The following GPC3 variants were observed in gnomAD, a reference collection of about 807,000 sequenced individuals.
GPC3 encodes the protein glypican-3.
In GPC3, 3 loss-of-function variants were observed where a neutral mutation model predicts 34.4. The ratio of observed to expected loss-of-function variants is 0.09; its 90% CI spans 0.04 to 0.23. GPC3 has a LOEUF of 0.23. GPC3 is among the 10% of genes least tolerant of loss of function. The pLI, the probability that GPC3 is intolerant of heterozygous loss-of-function variation, is 1.00. For synonymous variants in GPC3, 177 were observed against 174.0 expected (o/e 1.02, Z -0.13); for missense variants, 351 against 445.6 (o/e 0.79, Z 1.91).
chrX:133,745,001 G>A (rs1358653455), intron 3 of GPC3, among the ~76,000 whole-genome samples: 3 of 110,313 alleles, frequency 2.7e-5, no homozygotes, highest in South Asian at 4.0e-4. Context: ...ATCACACACC[G>A]GGGCCTGTCG....
intron 2 of GPC3, among the ~76,000 whole-genome samples, chrX:133,911,226 CTT>C (rs2076197887): frequency 8.9e-6 from 1 of 112,173 alleles, no homozygotes; most frequent in Admixed American, 9.4e-5. Flanking sequence ...ACTTTTTAAT[CTT>C]TGTTTTGCTA....
At chrX:133,726,079 G>A (rs771218030) in intron 3 of GPC3, among the ~76,000 whole-genome samples, 3 of 111,783 alleles carry the variant, frequency 2.7e-5, no homozygotes, top group African/African-American at 6.5e-5. Context: ...AAGAAATATC[G>A]CAAAAGATTG....
chrX:133,904,622 T>C (rs1196671077), intron 2 of GPC3, among the ~76,000 whole-genome samples: 2 of 111,700 alleles, frequency 1.8e-5, no homozygotes, highest in Non-Finnish European at 3.8e-5. Flanking sequence ...TCAATAGTAA[T>C]TCTAGCATGT....
At chrX:133,883,062 T>A (rs2076048733) in intron 2 of GPC3, among the ~76,000 whole-genome samples, 1 of 111,213 alleles carries the variant, frequency 9.0e-6, no homozygotes, top group South Asian at 3.8e-4. Context: ...CTCCACTCTA[T>A]ATTTAGAAAT....
intron 6 of GPC3, among the ~76,000 whole-genome samples, chrX:133,611,075 G>C (rs1179370668): frequency 9.1e-6 from 1 of 110,265 alleles, no homozygotes; most frequent in African/African-American, 3.3e-5. Context: ...CAGGTAAAGT[G>C]AAAAAGAAGC....
At chrX:133,722,531 G>T (rs1485028266) in intron 3 of GPC3, among the ~76,000 whole-genome samples, 2 of 112,153 alleles carry the variant, frequency 1.8e-5, no homozygotes, top group Non-Finnish European at 3.8e-5. Context: ...TGCAACATAT[G>T]TCGTTTTCAT....
chrX:133,635,293 C>T (rs2070409062), intron 6 of GPC3, among the ~76,000 whole-genome samples: 1 of 110,961 alleles, frequency 9.0e-6, no homozygotes, highest in Admixed American at 9.6e-5. Context: ...TGAAAATGGA[C>T]CAGAAGGAGA....
At chrX:133,727,892 C>T (rs899709989) in intron 3 of GPC3, among the ~76,000 whole-genome samples, 1 of 111,987 alleles carries the variant, frequency 8.9e-6, no homozygotes, top group Non-Finnish European at 1.9e-5. Context: ...CTCTGATCAC[C>T]GGAAACAGCA....
chrX:133,726,098 A>G (rs886428091), intron 3 of GPC3, among the ~76,000 whole-genome samples: 1 of 112,154 alleles, frequency 8.9e-6, no homozygotes, highest in South Asian at 3.8e-4. Context: ...TGCTTTTCTA[A>G]TAAAGGCAAT....
At chrX:133,958,547 A>G (rs2076427014) in intron 1 of GPC3, among the ~76,000 whole-genome samples, 1 of 106,030 alleles carries the variant, frequency 9.4e-6, no homozygotes, top group Non-Finnish European at 1.9e-5. Flanking sequence ...CCAGTCTCAA[A>G]AAAAAAAAAA....
chrX:133,628,607 G>T (rs1248573501), intron 6 of GPC3, among the ~76,000 whole-genome samples: 3 of 107,430 alleles, frequency 2.8e-5, no homozygotes, highest in African/African-American at 1.0e-4. Flanking sequence ...AGTGAGCTGA[G>T]ATTGCACCAC....
At chrX:133,916,766 C>T (rs978844087) in intron 2 of GPC3, among the ~76,000 whole-genome samples, 9 of 111,113 alleles carry the variant, frequency 8.1e-5, no homozygotes, top group African/African-American at 3.0e-4. Context: ...GTAGTCCCAG[C>T]TACTCAGGAG....
chrX:133,846,933 T>A (rs2075849411), intron 2 of GPC3, among the ~76,000 whole-genome samples: 1 of 111,868 alleles, frequency 8.9e-6, no homozygotes, highest in Admixed American at 9.5e-5. Flanking sequence ...TAAGAACAGA[T>A]AACAGATTTT....
chrX:133,969,716 C>G (rs1042332226), intron 1 of GPC3, among the ~76,000 whole-genome samples: 1 of 110,971 alleles, frequency 9.0e-6, no homozygotes, highest in Non-Finnish European at 1.9e-5. Context: ...GCAAAAAAAC[C>G]CCAGTTTAAA....
intron 7 of GPC3, among the ~76,000 whole-genome samples, chrX:133,544,207 G>A (rs1420511976): frequency 9.0e-6 from 1 of 111,628 alleles, no homozygotes; most frequent in African/African-American, 3.3e-5. Flanking sequence ...CTACACCCTG[G>A]GTGATAGAGT....
At chrX:133,908,865 C>A (rs902228059) in intron 2 of GPC3, among the ~76,000 whole-genome samples, 2 of 112,170 alleles carry the variant, frequency 1.8e-5, no homozygotes, top group African/African-American at 6.5e-5. Flanking sequence ...ATTTTCTTAA[C>A]CTAAATTCAA....
rs775967594 is a variant in GPC3, at chrX:133,880,410, C to T, written c.337+72640G>A. The stretch of plus-strand genomic sequence containing the variant: ...GCAAGTTACCAAACACAATGGGCCA[C>T]ATATTCTCTCCTACCGTTTCATAGT... On this transcript the variant is annotated intron_variant, in intron 2 of 7. Transcript: ENST00000370818. Among the ~76,000 whole-genome samples, 4 of 112,048 alleles carry T rather than the reference C, an allele frequency of 3.6e-5. No individual in the cohort carries two copies. In the South Asian group the frequency reaches 1.5e-3, roughly 42 times the overall value.
At chrX:133,902,275 G>A (rs1395911925) in intron 2 of GPC3, among the ~76,000 whole-genome samples, 1 of 112,156 alleles carries the variant, frequency 8.9e-6, no homozygotes, top group Non-Finnish European at 1.9e-5. Context: ...TCATATTTTT[G>A]TATGTTTTTA....
chrX:133,849,084 CTTTTTTTTTTTTTT>C (rs60339728), intron 2 of GPC3, among the ~76,000 whole-genome samples: 6 of 46,273 alleles, frequency 1.3e-4, no homozygotes, highest in Admixed American at 2.3e-4. Flanking sequence ...ACTAAAGTTT[CTTTTTTTTTTTTTT>C]TTTTTTTTTT....
Sources: allele counts gnomAD v4.1 joint callset (sites outside exome capture counted in the v4.1 genomes callset), GRCh38; gene constraint gnomAD v4.1.1; transcripts MANE v1.5; gene names NCBI Gene and HGNC (gene_info 2026-07-23, HGNC 2026-07-21).